KCNIP4: variants seen among roughly 807,000 people sequenced by gnomAD.
KCNIP4 encodes Kv channel-interacting protein 4.
In KCNIP4, 12 loss-of-function variants were observed where a neutral mutation model predicts 34.0. The ratio of observed to expected loss-of-function variants is 0.35; its 90% confidence interval spans 0.23 to 0.57. The LOEUF (loss-of-function observed/expected upper bound fraction) is 0.57. Among genes scored for constraint, KCNIP4 ranks in the 20% least tolerant of loss-of-function variants. The pLI is 0.83. For synonymous variants in KCNIP4, 124 were observed against 102.2 expected (o/e 1.21, Z -1.29); for missense variants, 238 against 311.7 (o/e 0.76, Z 1.78).
At chr4:21,522,313 G>A (rs1300645184) in intron 1 of KCNIP4, among the ~76,000 whole-genome samples, 2 of 151,952 alleles carry the variant, frequency 1.3e-5, no homozygotes, top group Admixed American at 1.3e-4. Flanking sequence ...TGTACAAAAT[G>A]TTTTAGGCAA....
chr4:20,971,049 A>T (rs932236166), intron 1 of KCNIP4, among the ~76,000 whole-genome samples: 2 of 152,224 alleles, frequency 1.3e-5, no homozygotes, highest in African/African-American at 4.8e-5. Context: ...GATAAGAAGG[A>T]GTTAATCAGA....
At position 21,633,521 on chromosome 4, in the gene KCNIP4, C is replaced by A. The variant is rs571491281; in HGVS notation, c.61+315050G>T. 1.2e-4 allele frequency among the ~76,000 whole-genome samples: 19 copies of A among 152,102 alleles called. No individual in the cohort carries two copies. The South Asian group carries it at 3.7e-3, about 30-fold the overall frequency. ...AAAGTCATGCATTGAAGATAGCCAA[C>A]CTGAACATCCACTTAGACAATTAAA... On this transcript the variant is annotated intron_variant, in intron 1 of 8. Coordinates refer to ENST00000382152, the MANE Select transcript of KCNIP4 (RefSeq NM_025221.6).
intron 1 of KCNIP4, among the ~76,000 whole-genome samples, chr4:21,839,834 G>A (rs1723571891): frequency 1.3e-5 from 2 of 152,048 alleles, no homozygotes; most frequent in Admixed American, 6.6e-5. Flanking sequence ...TGCTGAACAC[G>A]GAATCAAGCT....
chr4:21,768,889 A>T (rs1014663730), intron 1 of KCNIP4, among the ~76,000 whole-genome samples: 10 of 152,098 alleles, frequency 6.6e-5, no homozygotes, highest in African/African-American at 2.2e-4. Context: ...TATTTGTTGG[A>T]TACATTACAT....
chr4:21,609,931 T>C (rs1296956862), intron 1 of KCNIP4, among the ~76,000 whole-genome samples: 1 of 152,224 alleles, frequency 6.6e-6, no homozygotes, highest in Non-Finnish European at 1.5e-5. Context: ...AATTGAAATA[T>C]TATCTCATTA....
chr4:21,318,317 A>T (rs535416867), intron 1 of KCNIP4, among the ~76,000 whole-genome samples: 2 of 152,302 alleles, frequency 1.3e-5, no homozygotes, highest in Admixed American at 6.5e-5. Flanking sequence ...AATTATGTAC[A>T]ATCCTTGCTT....
intron 1 of KCNIP4, among the ~76,000 whole-genome samples, chr4:21,815,947 A>G (rs2109279136): frequency 6.6e-6 from 1 of 152,312 alleles, no homozygotes; most frequent in Middle Eastern, 3.4e-3. Context: ...AACTGTATTT[A>G]CCAATAAAAA....
At chr4:21,906,621 A>G (rs113556954) in intron 1 of KCNIP4, among the ~76,000 whole-genome samples, 96 of 152,240 alleles carry the variant, frequency 6.3e-4, no homozygotes, top group African/African-American at 2.3e-3. Flanking sequence ...AATTTATTAC[A>G]GTGGTCCCAG....
chr4:21,614,504 TA>T (rs1268403051), intron 1 of KCNIP4, among the ~76,000 whole-genome samples: 1 of 148,322 alleles, frequency 6.7e-6, no homozygotes, highest in Non-Finnish European at 1.5e-5. Flanking sequence ...ATATATATAA[TA>T]TATATAGCTT....
intron 3 of KCNIP4, among the ~76,000 whole-genome samples, chr4:20,759,183 A>C (rs2149359038): frequency 6.6e-6 from 1 of 152,314 alleles, no homozygotes; most frequent in African/African-American, 2.4e-5. Context: ...ATAAAGTAAA[A>C]GGAAATTGCA....
intron 1 of KCNIP4, among the ~76,000 whole-genome samples, chr4:21,288,190 G>T (rs1763231618): frequency 6.6e-6 from 1 of 152,106 alleles, no homozygotes; most frequent in African/African-American, 2.4e-5. Context: ...TCTGTATGAG[G>T]ATTAGCCAGG....
At chr4:20,991,352 A>C (rs1737068336) in intron 1 of KCNIP4, among the ~76,000 whole-genome samples, 2 of 152,170 alleles carry the variant, frequency 1.3e-5, no homozygotes, top group Non-Finnish European at 2.9e-5. Context: ...AGAGCAATGA[A>C]AACACAAATG....
At chr4:21,095,025 A>G (rs1450029616) in intron 1 of KCNIP4, among the ~76,000 whole-genome samples, 1 of 152,232 alleles carries the variant, frequency 6.6e-6, no homozygotes, top group Non-Finnish European at 1.5e-5. Context: ...ACAACAAAAA[A>G]GAAATGCTAA....
chr4:21,641,899 C>A (rs142800567), intron 1 of KCNIP4, among the ~76,000 whole-genome samples: 33 of 152,294 alleles, frequency 2.2e-4, no homozygotes, highest in Non-Finnish European at 3.7e-4. Flanking sequence ...ACACTGAGTT[C>A]TCAATATGGC....
At chr4:21,226,255 G>A (rs1758380329) in intron 1 of KCNIP4, among the ~76,000 whole-genome samples, 1 of 115,268 alleles carries the variant, frequency 8.7e-6, no homozygotes, top group East Asian at 3.0e-4. Flanking sequence ...GGGAGGGAGG[G>A]AGGGAGGGAG....
intron 1 of KCNIP4, among the ~76,000 whole-genome samples, chr4:21,684,961 T>C (rs1362332745): frequency 6.6e-6 from 1 of 152,144 alleles, no homozygotes; most frequent in Non-Finnish European, 1.5e-5. Flanking sequence ...ACTCAAAAAG[T>C]GTTAGCAAGA....
chr4:20,857,224 T>G (rs1233880746), intron 2 of KCNIP4, among the ~76,000 whole-genome samples: 1 of 151,938 alleles, frequency 6.6e-6, no homozygotes, highest in Non-Finnish European at 1.5e-5. Context: ...TATGATAAGT[T>G]AAAAAAGCAA....
At chr4:21,099,899 G>A (rs574751789) in intron 1 of KCNIP4, among the ~76,000 whole-genome samples, 1 of 152,256 alleles carries the variant, frequency 6.6e-6, no homozygotes, top group East Asian at 1.9e-4. Context: ...GAAATAACAA[G>A]AGAACTAGAA....
At chr4:21,324,922 T>C (rs1284051496) in intron 1 of KCNIP4, among the ~76,000 whole-genome samples, 3 of 151,976 alleles carry the variant, frequency 2.0e-5, no homozygotes, top group African/African-American at 7.2e-5. Context: ...TTATGTTCTT[T>C]TCAATTTCTT....
Sources: allele counts gnomAD v4.1 joint callset (sites outside exome capture counted in the v4.1 genomes callset), GRCh38; gene constraint gnomAD v4.1.1; transcripts MANE v1.5; gene names NCBI Gene and HGNC (gene_info 2026-07-23, HGNC 2026-07-21).